RPS6KC1: variants seen among roughly 807,000 people sequenced by gnomAD.
RPS6KC1 encodes the protein ribosomal protein S6 kinase C1.
In RPS6KC1, 54 loss-of-function variants were observed where a neutral mutation model predicts 103.8. The observed-to-expected ratio is 0.52, with a 90% CI of 0.42 to 0.65. The LOEUF is 0.65. Ranked by LOEUF, RPS6KC1 falls within the 30% of genes least tolerant of loss-of-function variation. RPS6KC1 has a pLI of 0.00. For synonymous variants in RPS6KC1, 439 were observed against 438.7 expected (o/e 1.00, Z -0.01); for missense variants, 1,151 against 1,253.8 (o/e 0.92, Z 1.24).
chr1:213,413,761 A>G, the RPS6KC1 span, among the ~76,000 whole-genome samples: 5 of 152,220 alleles, frequency 3.3e-5, no homozygotes, highest in Non-Finnish European at 5.9e-5. Context: ...TATTGTTTAC[A>G]CAGGTCAGCT....
rs540512980 is a variant in RPS6KC1, at chr1:213,196,519, C to G, written c.1044+20027C>G. On this transcript the variant is annotated intron_variant, in intron 8 of 14. Coordinates refer to ENST00000366960, the MANE Select transcript of RPS6KC1 (RefSeq NM_012424.6). Reference sequence around the variant, plus strand: ...CATCTATTTATCTTTGTTTTTATTACATTTGCTTTTGGGTACTTGGTCATG... The same window carrying G: ...CATCTATTTATCTTTGTTTTTATTAGATTTGCTTTTGGGTACTTGGTCATG... 2.0e-5 allele frequency among the ~76,000 whole-genome samples: 3 copies of G among 152,210 alleles called. No individual in the cohort carries two copies. The South Asian group carries it at 6.2e-4, about 32-fold the overall frequency.
the RPS6KC1 span, among the ~76,000 whole-genome samples, chr1:213,420,376 G>A: frequency 1.3e-5 from 2 of 152,190 alleles, no homozygotes; most frequent in East Asian, 1.9e-4. Context: ...GGGATATGAT[G>A]TGAGGCCCAG....
intron 8 of RPS6KC1, among the ~76,000 whole-genome samples, chr1:213,183,579 TA>T (rs35524743): frequency 0.5 from 75,923 of 151,024 alleles, 21,137 homozygotes; most frequent in Non-Finnish European, 0.63. Context: ...CAAAGGGTAT[TA>T]AAAAAAAATG....
chr1:213,725,116 A>G, the RPS6KC1 span, among the ~76,000 whole-genome samples: 1 of 152,220 alleles, frequency 6.6e-6, no homozygotes, highest in Non-Finnish European at 1.5e-5. Context: ...GGACTAATAA[A>G]TCTTATTTCC....
intron 8 of RPS6KC1, among the ~76,000 whole-genome samples, chr1:213,201,645 A>G (rs939287479): frequency 3.3e-5 from 5 of 152,250 alleles, no homozygotes; most frequent in Non-Finnish European, 7.3e-5. Flanking sequence ...CCACTCTGGT[A>G]CAGAATGTTC....
At chr1:213,098,579 GA>G (rs1558312218) in intron 3 of RPS6KC1, among the ~76,000 whole-genome samples, 1 of 152,104 alleles carries the variant, frequency 6.6e-6, no homozygotes, top group African/African-American at 2.4e-5. Context: ...TGAGGAAAGG[GA>G]GATTGGGTAC....
At chr1:213,329,914 C>T in the RPS6KC1 span, among the ~76,000 whole-genome samples, 21 of 152,234 alleles carry the variant, frequency 1.4e-4, no homozygotes, top group South Asian at 1.2e-3. Flanking sequence ...CTCTCTGAGC[C>T]GGCAAGTGAA....
At chr1:213,659,964 G>T in the RPS6KC1 span, among the ~76,000 whole-genome samples, 4 of 152,174 alleles carry the variant, frequency 2.6e-5, no homozygotes, top group African/African-American at 9.7e-5. Context: ...TTGCAAAGGA[G>T]TCAGGGCATC....
At chr1:213,707,982 T>A in the RPS6KC1 span, among the ~76,000 whole-genome samples, 2 of 152,182 alleles carry the variant, frequency 1.3e-5, no homozygotes, top group Admixed American at 6.5e-5. Flanking sequence ...GCATGATGCC[T>A]CCAAGTTTGC....
the RPS6KC1 span, among the ~76,000 whole-genome samples, chr1:213,427,444 T>C: frequency 5.3e-5 from 8 of 152,232 alleles, no homozygotes; most frequent in Non-Finnish European, 1.0e-4. Context: ...ACTAGGAACC[T>C]CAAAGGCCAA....
At chr1:213,711,609 T>G in the RPS6KC1 span, among the ~76,000 whole-genome samples, 1 of 152,220 alleles carries the variant, frequency 6.6e-6, no homozygotes, top group African/African-American at 2.4e-5. Flanking sequence ...TTTGAAATTT[T>G]CACCCTTTTT....
At chr1:213,133,023 G>T (rs1444289531) in intron 6 of RPS6KC1, among the ~76,000 whole-genome samples, 4 of 152,132 alleles carry the variant, frequency 2.6e-5, no homozygotes, top group African/African-American at 9.7e-5. Context: ...TGCCCATCCG[G>T]CAGAGAATAA....
chr1:213,513,010 A>G, the RPS6KC1 span, among the ~76,000 whole-genome samples: 3 of 152,166 alleles, frequency 2.0e-5, no homozygotes, highest in Non-Finnish European at 4.4e-5. Flanking sequence ...GGAACTTGTA[A>G]ATACGTTATG....
the RPS6KC1 span, among the ~76,000 whole-genome samples, chr1:213,352,721 G>T: frequency 6.6e-6 from 1 of 152,004 alleles, no homozygotes; most frequent in Non-Finnish European, 1.5e-5. Flanking sequence ...TTGACTATAG[G>T]GTCTCCCTAT....
the RPS6KC1 span, among the ~76,000 whole-genome samples, chr1:213,544,989 G>C: frequency 6.6e-6 from 1 of 152,284 alleles, no homozygotes; most frequent in Admixed American, 6.5e-5. Context: ...TTAAACAACA[G>C]AAGTGTCTTC....
At chr1:213,427,031 T>A in the RPS6KC1 span, among the ~76,000 whole-genome samples, 15 of 152,342 alleles carry the variant, frequency 9.8e-5, no homozygotes, top group Admixed American at 5.2e-4. Flanking sequence ...AGTCATCTGG[T>A]CTTGCTAAAT....
the RPS6KC1 span, among the ~76,000 whole-genome samples, chr1:213,370,623 G>A: frequency 2.0e-5 from 3 of 152,202 alleles, no homozygotes; most frequent in African/African-American, 7.2e-5. Context: ...CCAGAGCCCT[G>A]AGAGGGCCGA....
the RPS6KC1 span, among the ~76,000 whole-genome samples, chr1:213,795,878 G>T: frequency 5.9e-5 from 9 of 152,104 alleles, no homozygotes; most frequent in African/African-American, 1.9e-4. Context: ...GCCCTTGGCT[G>T]CAAACCTGCT....
chr1:213,218,026 C>T (rs1055265969), intron 8 of RPS6KC1, among the ~76,000 whole-genome samples: 1 of 152,048 alleles, frequency 6.6e-6, no homozygotes, highest in African/African-American at 2.4e-5. Flanking sequence ...CTGGCCAAGG[C>T]AATCAGGCAG....
Sources: allele counts gnomAD v4.1 joint callset (sites outside exome capture counted in the v4.1 genomes callset), GRCh38; gene constraint gnomAD v4.1.1; transcripts MANE v1.5; gene names NCBI Gene and HGNC (gene_info 2026-07-23, HGNC 2026-07-21).